The following PIK3C3 variants were observed in gnomAD, a reference collection of about 807,000 sequenced individuals.
PIK3C3 encodes PI3-kinase type 3.
In PIK3C3, 95 loss-of-function variants were observed where a neutral mutation model predicts 126.1. The observed-to-expected ratio is 0.75, with a 90% CI of 0.64 to 0.89. PIK3C3 has a LOEUF of 0.89. PIK3C3 is among the 40% of genes least tolerant of loss of function. PIK3C3 has a pLI of 0.00. For synonymous variants in PIK3C3, 374 were observed against 360.0 expected (o/e 1.04, Z -0.44); for missense variants, 829 against 1,063.2 (o/e 0.78, Z 3.06).
intron 24 of PIK3C3, among the ~76,000 whole-genome samples, chr18:42,069,113 T>A (rs1458696524): frequency 6.6e-6 from 1 of 152,232 alleles, no homozygotes; most frequent in Non-Finnish European, 1.5e-5. Flanking sequence ...CCTCTAGATG[T>A]TAGCTTATAC....
At chr18:41,970,859 G>A (rs1980631065) in intron 4 of PIK3C3, 2 of 224,064 alleles carry the variant, frequency 8.9e-6, no homozygotes, top group South Asian at 2.1e-4. Flanking sequence ...CTTATGTCTG[G>A]AAATCTGTCA....
intron 19 of PIK3C3, 118 bp from the exon 20 acceptor site, chr18:42,043,615 A>G: frequency 1.6e-6 from 1 of 624,196 alleles, no homozygotes; most frequent in Admixed American, 2.7e-5. Context: ...AGCATCTCTC[A>G]TACTGTATTT....
intron 24 of PIK3C3, among the ~76,000 whole-genome samples, chr18:42,068,609 T>TC (rs1405297525): frequency 6.6e-6 from 1 of 152,072 alleles, no homozygotes; most frequent in Non-Finnish European, 1.5e-5. Flanking sequence ...TCCCCCCACC[T>TC]CCCACTTTTC....
intron 16 of PIK3C3, among the ~76,000 whole-genome samples, chr18:42,036,891 A>G (rs964905039): frequency 6.6e-6 from 1 of 152,198 alleles, no homozygotes; most frequent in Non-Finnish European, 1.5e-5. Flanking sequence ...ATGATGCCGC[A>G]AGTGGAAAAT....
chr18:42,064,671 T>G (rs1438353559), intron 22 of PIK3C3, 69 bp from the exon 23 acceptor site: 19 of 755,564 alleles, frequency 2.5e-5, no homozygotes, highest in Non-Finnish European at 4.0e-5. Context: ...TTCTAAAGTA[T>G]TCTTAATATG....
chr18:42,057,678 G>A (rs1985132201), intron 21 of PIK3C3: 2 of 504,940 alleles, frequency 4.0e-6, no homozygotes, highest in Admixed American at 8.3e-5. Flanking sequence ...ATAGTTTCGT[G>A]TGAACGAATG....
At chr18:42,079,926 T>G (rs1339603626) in intron 24 of PIK3C3, among the ~76,000 whole-genome samples, 1 of 151,590 alleles carries the variant, frequency 6.6e-6, no homozygotes, top group East Asian at 1.9e-4. Flanking sequence ...ATGAGTTCCC[T>G]CTTATTTCCC....
At chr18:42,034,059 A>G (rs990084317) in intron 16 of PIK3C3, 102 bp downstream of exon 16, 24 of 707,388 alleles carry the variant, frequency 3.4e-5, no homozygotes, top group Admixed American at 3.0e-4. Flanking sequence ...GATCACATCT[A>G]TAATTCTAGT....
At chr18:41,992,829 T>A (rs890320547) in intron 6 of PIK3C3, among the ~76,000 whole-genome samples, 1 of 152,150 alleles carries the variant, frequency 6.6e-6, no homozygotes, top group Non-Finnish European at 1.5e-5. Flanking sequence ...GGATCTCCAT[T>A]ATGATACCTT....
chr18:42,027,340 T>G (rs1383483281), intron 13 of PIK3C3, 103 bp from the exon 14 acceptor site: 1 of 514,138 alleles, frequency 1.9e-6, no homozygotes, highest in Non-Finnish European at 3.4e-6. Context: ...TTTATTATTT[T>G]TGCATATGTA....
chr18:42,019,477 TC>T (rs1434888296), intron 12 of PIK3C3, among the ~76,000 whole-genome samples: 2 of 152,166 alleles, frequency 1.3e-5, no homozygotes, highest in African/African-American at 2.4e-5. Context: ...TTCAGAGTAT[TC>T]AACAAAGTAA....
intron 20 of PIK3C3, among the ~76,000 whole-genome samples, chr18:42,047,041 G>A (rs927683230): frequency 6.6e-6 from 1 of 152,004 alleles, no homozygotes; most frequent in African/African-American, 2.4e-5. Flanking sequence ...TTGCTTTATC[G>A]TTAGGATTAA....
At chr18:42,020,603 G>GA in intron 12 of PIK3C3, 35 bp from the exon 13 acceptor site, 1 of 1,358,078 alleles carries the variant, frequency 7.4e-7, no homozygotes, top group South Asian at 1.3e-5. Context: ...ACTAGTAGAT[G>GA]ATAATATATA....
chr18:41,962,769 C>G (rs1490660068), intron 3 of PIK3C3, 137 bp downstream of exon 3: 2 of 612,362 alleles, frequency 3.3e-6, no homozygotes, highest in Non-Finnish European at 2.6e-6. Flanking sequence ...TTTGATCATT[C>G]CTTACACTGA....
intron 10 of PIK3C3, among the ~76,000 whole-genome samples, chr18:42,012,801 A>G (rs1482247998): frequency 6.6e-6 from 1 of 152,088 alleles, no homozygotes; most frequent in South Asian, 2.1e-4. Flanking sequence ...GTTTTGTTCA[A>G]ATCTCTTGGT....
intron 20 of PIK3C3, among the ~76,000 whole-genome samples, chr18:42,047,354 T>G (rs569289117): frequency 2.0e-4 from 31 of 152,306 alleles, no homozygotes; most frequent in African/African-American, 7.2e-4. Context: ...AATCACATGT[T>G]AGAGAACCTA....
intron 22 of PIK3C3, among the ~76,000 whole-genome samples, chr18:42,058,605 A>G (rs1252110869): frequency 1.3e-5 from 2 of 152,170 alleles, no homozygotes; most frequent in Non-Finnish European, 2.9e-5. Flanking sequence ...GTTAAATATG[A>G]TTTTTATCTC....
intron 19 of PIK3C3, among the ~76,000 whole-genome samples, chr18:42,042,505 G>A (rs1001278231): frequency 4.6e-5 from 7 of 152,082 alleles, no homozygotes; most frequent in African/African-American, 9.7e-5. Context: ...GTAAAATTTC[G>A]GTAATAACCC....
intron 22 of PIK3C3, among the ~76,000 whole-genome samples, chr18:42,061,241 C>T (rs547205758): frequency 1.3e-5 from 2 of 152,114 alleles, no homozygotes; most frequent in East Asian, 3.8e-4. Flanking sequence ...CGCTTTCCCA[C>T]CCTATTATTG....
Sources: gnomAD v4.1 joint callset for allele counts (sites outside exome capture counted in the v4.1 genomes callset) on GRCh38, gnomAD v4.1.1 for gene constraint, MANE v1.5 for transcripts, NCBI Gene and HGNC (gene_info 2026-07-23, HGNC 2026-07-21) for gene names.